The following AGAP1 variants were observed in gnomAD, a reference collection of about 807,000 sequenced individuals.
AGAP1 encodes the protein arf-GAP with GTPase, ANK repeat and PH domain-containing protein 1.
Under a neutral mutation model 105.3 loss-of-function variants are expected in AGAP1, and 29 were observed. The observed-to-expected ratio is 0.28, with a 90% CI of 0.21 to 0.38. The LOEUF (loss-of-function observed/expected upper bound fraction) is 0.38. AGAP1 is among the 10% of genes least tolerant of loss of function. The pLI, the probability that AGAP1 is intolerant of heterozygous loss-of-function variation, is 1.00. For synonymous variants in AGAP1, 509 were observed against 485.9 expected (o/e 1.05, Z -0.63); for missense variants, 998 against 1,165.1 (o/e 0.86, Z 2.09).
intron 1 of AGAP1, among the ~76,000 whole-genome samples, chr2:235,693,355 A>G (rs1037535016): frequency 6.6e-5 from 10 of 152,032 alleles, no homozygotes; most frequent in African/African-American, 1.9e-4. Context: ...CCAGTCTATG[A>G]TTGGACGTGT....
chr2:235,858,489 A>G (rs191838812), intron 9 of AGAP1, among the ~76,000 whole-genome samples: 223 of 152,310 alleles, frequency 1.5e-3, no homozygotes, highest in African/African-American at 4.9e-3. Flanking sequence ...CTGTTTGTAC[A>G]TGTTTGAGTT....
At position 235,961,307 on chromosome 2, in the gene AGAP1, C is replaced by G. The variant is rs1283671566; in HGVS notation, c.1484-7155C>G. On this transcript the variant is annotated intron_variant, in intron 12 of 17. Coordinates refer to ENST00000304032, the MANE Select transcript of AGAP1 (RefSeq NM_001037131.3). The surrounding 1 kb of genome is among the most constrained non-coding windows in gnomAD (Gnocchi z 5.9). ...CCTGGAGTCTAAAACTTCCTGGTGTCCCTTCTGCCTGCCTAGCAGAACCCC... is the reference window on the plus strand; with the variant it reads ...CCTGGAGTCTAAAACTTCCTGGTGTGCCTTCTGCCTGCCTAGCAGAACCCC... Among the ~76,000 whole-genome samples, 1 of 152,192 alleles carries G rather than the reference C, an allele frequency of 6.6e-6. No individual in the cohort carries two copies. Among genetic ancestry groups the G allele is most frequent in the East Asian group, 1.9e-4 (1 of 5,178 alleles).
chr2:235,816,933 G>T (rs1958493970), intron 9 of AGAP1, among the ~76,000 whole-genome samples: 1 of 151,932 alleles, frequency 6.6e-6, no homozygotes, highest in Admixed American at 6.6e-5. Flanking sequence ...TAAGGAAATT[G>T]TATCATTAAA....
At chr2:235,757,025 A>G (rs1467942787) in intron 6 of AGAP1, among the ~76,000 whole-genome samples, 5 of 152,196 alleles carry the variant, frequency 3.3e-5, no homozygotes, top group Non-Finnish European at 5.9e-5. Flanking sequence ...TCAGAACATC[A>G]CATTAGATAT....
chr2:235,757,784 CCCCAT>C (rs1954054563), intron 6 of AGAP1, among the ~76,000 whole-genome samples: 1 of 152,118 alleles, frequency 6.6e-6, no homozygotes, highest in African/African-American at 2.4e-5. Context: ...GTGCAAAGAA[CCCCAT>C]CTCACATTAA....
At chr2:235,784,900 T>C (rs1575456274) in intron 6 of AGAP1, among the ~76,000 whole-genome samples, 1 of 151,890 alleles carries the variant, frequency 6.6e-6, no homozygotes, top group African/African-American at 2.4e-5. Flanking sequence ...CTGGGGAGAG[T>C]ATTACAATGA....
At chr2:235,758,779 A>G (rs80233852) in intron 6 of AGAP1, among the ~76,000 whole-genome samples, 9,786 of 152,158 alleles carry the variant, frequency 0.064, 1,038 homozygotes, top group African/African-American at 0.22. Flanking sequence ...TAAATGATCA[A>G]GTCACGTAAG....
In AGAP1 at chr2:235,691,398, C is replaced by T. The variant is rs67655963; in HGVS notation, c.164-17781C>T. On this transcript the variant is annotated intron_variant, in intron 1 of 17. Transcript: ENST00000304032. The surrounding 1 kb of genome is among the most constrained non-coding windows in gnomAD (Gnocchi z 4.4). ...ACTTTTGGAGACAGGAATTGTTACA[C>T]GTCTCCGTTGCGAGAAGCAAAAGTA... Among the ~76,000 whole-genome samples the T allele has an allele frequency of 0.19, 29,662 of 152,196 alleles. 3,266 individuals are homozygous for T. Among genetic ancestry groups the T allele is most frequent in the Middle Eastern group, 0.27 (78 of 292 alleles).
intron 2 of AGAP1, among the ~76,000 whole-genome samples, chr2:235,711,051 G>T (rs1950830305): frequency 6.6e-6 from 1 of 152,192 alleles, no homozygotes; most frequent in Admixed American, 6.5e-5. Flanking sequence ...GGGAGCTGAG[G>T]TGTGAGCCTG....
At chr2:235,731,490 A>G (rs1014126664) in intron 3 of AGAP1, among the ~76,000 whole-genome samples, 5 of 152,220 alleles carry the variant, frequency 3.3e-5, no homozygotes, top group Admixed American at 3.3e-4. Context: ...TCCAGAAAGC[A>G]TGGAATTATG....
rs374303769 is a variant in AGAP1 at position 235,664,358 on chromosome 2, C to T, written c.164-44821C>T. Among the ~76,000 whole-genome samples the T allele has an allele frequency of 4.8e-4, 73 of 152,066 alleles. No homozygotes were observed. In the East Asian group the frequency reaches 9.7e-3, roughly 20 times the overall value. On this transcript the variant is annotated intron_variant, in intron 1 of 17. Coordinates refer to ENST00000304032, the MANE Select transcript of AGAP1 (RefSeq NM_001037131.3). This position sits in a 1 kb window ranked among gnomAD's most constrained non-coding sequence, Gnocchi z 5.7. ...CCCCAGGTAGCTGGGATTACAGGTGCACACCACCACGCCCAGCTAATTTTT... is the reference window on the plus strand; with the variant it reads ...CCCCAGGTAGCTGGGATTACAGGTGTACACCACCACGCCCAGCTAATTTTT...
In AGAP1 at chr2:236,061,857, T is replaced by C. The variant is rs1261014702; in HGVS notation, c.2114+12576T>C. Among the ~76,000 whole-genome samples, 1 of 149,948 alleles carries C rather than the reference T, an allele frequency of 6.7e-6. No homozygotes were observed. Among genetic ancestry groups the C allele is most frequent in the Non-Finnish European group, 1.5e-5 (1 of 67,682 alleles). Reference sequence around the variant, plus strand: ...GTACACTTTTAAAGTGTGAATTTTATGGTATATAAATTATGTCAATTTTGA... The same window carrying C: ...GTACACTTTTAAAGTGTGAATTTTACGGTATATAAATTATGTCAATTTTGA... On this transcript the variant is annotated intron_variant, in intron 16 of 17. Transcript: ENST00000304032. This position sits in a 1 kb window ranked among gnomAD's most constrained non-coding sequence, Gnocchi z 4.1.
chr2:235,717,442 C>T (rs567265130), intron 2 of AGAP1, 115 bp from the exon 3 acceptor site: 2 of 769,088 alleles, frequency 2.6e-6, no homozygotes, highest in Non-Finnish European at 4.1e-6. Flanking sequence ...GCCATCCAGC[C>T]AGTGCTTGGT....
intron 1 of AGAP1, among the ~76,000 whole-genome samples, chr2:235,567,347 C>T (rs2149152292): frequency 6.6e-6 from 1 of 152,276 alleles, no homozygotes; most frequent in African/African-American, 2.4e-5. Flanking sequence ...TGGCCCATGG[C>T]CTTCCCTTCC....
rs1447391906 is a variant in AGAP1, at chr2:236,062,592, C to G, written c.2114+13311C>G. Among the ~76,000 whole-genome samples the G allele has an allele frequency of 6.6e-6, 1 of 152,166 alleles. No individual in the cohort carries two copies. The highest frequency in any genetic ancestry group is 2.4e-5 in the African/African-American group (1 of 41,444). On this transcript the variant is annotated intron_variant, in intron 16 of 17. Transcript: ENST00000304032. This position sits in a 1 kb window ranked among gnomAD's most constrained non-coding sequence, Gnocchi z 4.2. Reference sequence around the variant, plus strand: ...CCAGGCTCAAGCAATCCTACCTAGTCAGCCTCCCAAGTAGCTGGGACTACA... The same window carrying G: ...CCAGGCTCAAGCAATCCTACCTAGTGAGCCTCCCAAGTAGCTGGGACTACA...
chr2:236,126,063 AAAAT>A lies in AGAP1; in HGVS notation c.*1945_*1948del, dbSNP rs2060000358. On this transcript the variant is annotated 3_prime_UTR_variant, in exon 18 of 18. Transcript: ENST00000304032. ...AAAAAAATTAAAGTAGGTGGGGAAA[AAAAT>A]AAAGCTTTACACAGAATTTATATGT... The A allele has an allele frequency of 6.6e-6, 1 of 152,182 alleles. No individual in the cohort carries two copies. The highest frequency in any genetic ancestry group is 1.5e-5 in the Non-Finnish European group (1 of 68,030). The allele number at this position is 152,182 out of a possible 1,614,324, so 9.4% of individuals were successfully genotyped here.
In AGAP1 at chr2:235,882,095, G is replaced by T. The variant is rs1472874150; in HGVS notation, c.1051-1250G>T. Among the ~76,000 whole-genome samples, 1 of 151,908 alleles carries T rather than the reference G, an allele frequency of 6.6e-6. No individual in the cohort carries two copies. Among genetic ancestry groups the T allele is most frequent in the Non-Finnish European group, 1.5e-5 (1 of 67,968 alleles). ...TTGGTGGGTTTTTTTGTGTTTGGTT[G>T]TTTTTGTTTTTGTTCTTTTTGGCTA... On this transcript the variant is annotated intron_variant, in intron 9 of 17. Transcript: ENST00000304032. The surrounding 1 kb of genome is among the most constrained non-coding windows in gnomAD (Gnocchi z 4.6).
intron 1 of AGAP1, among the ~76,000 whole-genome samples, chr2:235,693,988 G>A (rs191997382): frequency 1.3e-5 from 2 of 152,266 alleles, no homozygotes; most frequent in East Asian, 3.9e-4. Context: ...TGTGATTCTG[G>A]AAGCTGCATA....
At position 235,686,588 on chromosome 2, in the gene AGAP1, C is replaced by CACACACACACACATAT. The variant is rs1553605459; in HGVS notation, c.164-22591_164-22590insACACACACACACATAT. 3.0e-4 allele frequency among the ~76,000 whole-genome samples: 33 copies of CACACACACACACATAT among 108,506 alleles called. 1 individual carries two copies. The highest frequency in any genetic ancestry group is 1.1e-3 in the African/African-American group (32 of 29,754). The allele number at this position is 108,506 out of a possible 152,430, so 71.2% of individuals were successfully genotyped here. On this transcript the variant is annotated intron_variant, in intron 1 of 17. Transcript: ENST00000304032. The stretch of plus-strand genomic sequence containing the variant: ...ACACACACACACACACACACACACA[C>CACACACACACACATAT]GTGTGTGTGTATATATATACGTGGA...
Sources: gnomAD v4.1 joint callset for allele counts (sites outside exome capture counted in the v4.1 genomes callset) on GRCh38, gnomAD v4.1.1 for gene constraint, Gnocchi (gnomAD v3.1) non-coding constraint, MANE v1.5 for transcripts, NCBI Gene and HGNC (gene_info 2026-07-23, HGNC 2026-07-21) for gene names.